LRRC40: variants seen among roughly 807,000 people sequenced by gnomAD.
LRRC40 encodes leucine rich repeat containing 40, also known as leucine-rich repeat-containing protein 40.
Under a neutral mutation model 72.8 loss-of-function variants are expected in LRRC40, and 76 were observed. The observed-to-expected ratio is 1.04, with a 90% CI of 0.87 to 1.26. The LOEUF (loss-of-function observed/expected upper bound fraction) is 1.26. LRRC40 is among the 50% of genes most tolerant of loss of function. The probability of loss-of-function intolerance (pLI) is 0.00; values close to 1 mark genes in which losing one functional copy is unlikely to be tolerated. For missense variants in LRRC40, 684 were observed against 698.9 expected, an observed-to-expected ratio of 0.98 and a Z score of 0.24; for synonymous variants, 243 against 254.2, an observed-to-expected ratio of 0.96 and a Z score of 0.42.
At position 70,173,463 on chromosome 1, in the gene LRRC40, A is replaced by G. The variant is rs1558118945; in HGVS notation, c.1111+2T>C. On this transcript the variant is annotated splice_donor_variant, in intron 9 of 14. Coordinates refer to ENST00000370952, the MANE Select transcript of LRRC40 (RefSeq NM_017768.5). LOFTEE classifies it high-confidence loss of function. ...AAAATATAAGAGAACATTTTAAAGT[A>G]CCTTTGATCTTGCTTCGTAGATATT... 1 of 1,594,390 alleles carries G rather than the reference A, an allele frequency of 6.3e-7. No individual in the cohort carries two copies. The highest frequency in any genetic ancestry group is 1.1e-5 in the South Asian group (1 of 90,364).
intron 9 of LRRC40, among the ~76,000 whole-genome samples, chr1:70,170,296 T>C (rs1249430727): frequency 6.6e-6 from 1 of 152,182 alleles, no homozygotes; most frequent in South Asian, 2.1e-4. Flanking sequence ...GCTAACCTAA[T>C]GTTACTTAAC....
rs1424279268 is a variant in LRRC40 at position 70,197,570 on chromosome 1, C to G, written c.151+7820G>C. ...CTGGGATTATAATCATGGGCAATCA[C>G]ACCTGGCCCCCCCAACCCCCGGCTT... is the stretch of plus-strand genomic sequence containing the variant. On this transcript the variant is annotated intron_variant, in intron 1 of 14. Coordinates refer to ENST00000370952, the MANE Select transcript of LRRC40 (RefSeq NM_017768.5). Among the ~76,000 whole-genome samples, 13 of 151,058 alleles carry G rather than the reference C, an allele frequency of 8.6e-5. No individual in the cohort carries two copies. The East Asian group carries it at 2.4e-3, about 27-fold the overall frequency.
Position 70,175,811 on chromosome 1 carries a change from T to TA in LRRC40, c.975dup (p.Ser326Ter). 6.5e-7 allele frequency: 1 copy of TA among 1,538,664 alleles called. No homozygotes were observed. The highest frequency in any genetic ancestry group is 2.2e-5 in the Admixed American group (1 of 45,878). ...TATTCATTTGATATTTAAACTTACCTACTAATATCATTGTTGCTTAGGTCA... is the reference window on the plus strand; with the variant it reads ...TATTCATTTGATATTTAAACTTACCTAACTAATATCATTGTTGCTTAGGTCA... On this transcript the variant is annotated frameshift_variant and splice_region_variant, in exon 7 of 15. Transcript: ENST00000370952. LOFTEE classifies it high-confidence loss of function.
At chr1:70,200,292 C>T (rs1312603548) in intron 1 of LRRC40, among the ~76,000 whole-genome samples, 1 of 151,872 alleles carries the variant, frequency 6.6e-6, no homozygotes, top group Admixed American at 6.6e-5. Context: ...ATAGCAAGAC[C>T]CCATCTCTGC....
chr1:70,203,307 G>A (rs907686988), intron 1 of LRRC40, among the ~76,000 whole-genome samples: 4 of 152,170 alleles, frequency 2.6e-5, no homozygotes, highest in African/African-American at 9.7e-5. Flanking sequence ...CTGGGCTATG[G>A]GAAGTCATTA....
intron 1 of LRRC40, among the ~76,000 whole-genome samples, chr1:70,199,089 G>C (rs1668677198): frequency 6.6e-6 from 1 of 152,106 alleles, no homozygotes; most frequent in Non-Finnish European, 1.5e-5. Flanking sequence ...GGAAGTCAAG[G>C]CTGCAGTGAG....
At chr1:70,149,997 T>G (rs1667430833) in intron 13 of LRRC40, among the ~76,000 whole-genome samples, 1 of 152,168 alleles carries the variant, frequency 6.6e-6, no homozygotes, top group Non-Finnish European at 1.5e-5. Flanking sequence ...CCTGGATCAC[T>G]GCAACCTCTG....
intron 4 of LRRC40, 150 bp downstream of exon 4, chr1:70,184,635 C>A: frequency 1.4e-6 from 1 of 699,308 alleles, no homozygotes; most frequent in South Asian, 2.5e-5. Flanking sequence ...ACAAATTTAG[C>A]TATCTTATTG....
intron 9 of LRRC40, among the ~76,000 whole-genome samples, chr1:70,169,770 G>T (rs1188454720): frequency 6.6e-6 from 1 of 151,952 alleles, no homozygotes; most frequent in East Asian, 1.9e-4. Flanking sequence ...TCTATAACAC[G>T]TGAAGAGTAA....
chr1:70,153,972 C>CCAAA (rs1460340962), intron 11 of LRRC40, among the ~76,000 whole-genome samples: 3 of 58,186 alleles, frequency 5.2e-5, no homozygotes, highest in African/African-American at 2.1e-4. Context: ...GATCCTGTCT[C>CCAAA]AAAAAAAAAA....
At chr1:70,159,517 AGTGTACGT>A in intron 9 of LRRC40, 79 bp from the exon 10 acceptor site, 1 of 584,334 alleles carries the variant, frequency 1.7e-6, no homozygotes, top group Non-Finnish European at 3.0e-6. Flanking sequence ...ATATTAAAAC[AGTGTACGT>A]GATTTCTAGA....
intron 6 of LRRC40, among the ~76,000 whole-genome samples, chr1:70,177,563 A>G (rs1337819489): frequency 6.6e-6 from 1 of 152,202 alleles, no homozygotes; most frequent in African/African-American, 2.4e-5. Context: ...ATTTCAAATA[A>G]CATCATGGGA....
At chr1:70,197,985 C>T (rs1025913542) in intron 1 of LRRC40, among the ~76,000 whole-genome samples, 1 of 152,068 alleles carries the variant, frequency 6.6e-6, no homozygotes, top group African/African-American at 2.4e-5. Flanking sequence ...TGGTCTTGAA[C>T]TCCCAGGCTC....
At chr1:70,173,354 G>T in intron 9 of LRRC40, 111 bp downstream of exon 9, 1 of 721,060 alleles carries the variant, frequency 1.4e-6, no homozygotes, top group Non-Finnish European at 2.4e-6. Flanking sequence ...CACATGCCAG[G>T]ATCTATTACT....
chr1:70,181,496 A>T (rs1318028902), intron 4 of LRRC40, among the ~76,000 whole-genome samples: 5 of 152,088 alleles, frequency 3.3e-5, no homozygotes, highest in Non-Finnish European at 7.4e-5. Flanking sequence ...CTGTTAAAAC[A>T]AAGTCATGCC....
intron 5 of LRRC40, 65 bp downstream of exon 5, chr1:70,181,021 T>G: frequency 8.5e-7 from 1 of 1,176,662 alleles, no homozygotes; most frequent in Non-Finnish European, 1.2e-6. Context: ...TATTAAAAAT[T>G]ACTTTCTAAA....
chr1:70,169,284 G>A (rs1667952439), intron 9 of LRRC40, among the ~76,000 whole-genome samples: 1 of 152,136 alleles, frequency 6.6e-6, no homozygotes. Context: ...TCTCTGCTGT[G>A]CTACTTGTTG....
Position 70,177,007 on chromosome 1 carries a change from G to A in LRRC40, c.805-1025C>T, listed in dbSNP as rs1668121100. On this transcript the variant is annotated intron_variant, in intron 6 of 14. Transcript: ENST00000370952. ...TACATAAAACTAGGCCAGGCACGGT[G>A]GCTCACGCCTGTAATCCCAGCACTC... 2.0e-5 allele frequency among the ~76,000 whole-genome samples: 3 copies of A among 152,206 alleles called. No homozygotes were observed. In the South Asian group the frequency reaches 6.2e-4, roughly 32 times the overall value.
intron 9 of LRRC40, among the ~76,000 whole-genome samples, chr1:70,165,552 TC>T (rs1184715300): frequency 6.6e-6 from 1 of 152,220 alleles, no homozygotes; most frequent in Non-Finnish European, 1.5e-5. Flanking sequence ...AAAGTTTTTA[TC>T]TCATTTTACC....
Sources: allele counts gnomAD v4.1 joint callset (sites outside exome capture counted in the v4.1 genomes callset), GRCh38; gene constraint gnomAD v4.1.1; transcripts MANE v1.5; gene names NCBI Gene and HGNC (gene_info 2026-07-23, HGNC 2026-07-21).